The following IFT80 variants were observed in gnomAD, a reference collection of about 807,000 sequenced individuals.
IFT80 encodes intraflagellar transport 80.
Under a neutral mutation model 107.9 loss-of-function variants are expected in IFT80, and 79 were observed. The observed-to-expected ratio is 0.73, with a 90% CI of 0.61 to 0.88. The LOEUF (loss-of-function observed/expected upper bound fraction) is 0.88. Among genes scored for constraint, IFT80 ranks in the 40% least tolerant of loss-of-function variants. The probability of loss-of-function intolerance (pLI) is 0.00; values close to 1 mark genes in which losing one functional copy is unlikely to be tolerated. For synonymous variants in IFT80, 299 were observed against 300.9 expected (o/e 0.99, Z 0.07); for missense variants, 797 against 914.2 (o/e 0.87, Z 1.65).
chr3:160,291,709 C>G (rs1032855334), intron 12 of IFT80, among the ~76,000 whole-genome samples: 8 of 152,164 alleles, frequency 5.3e-5, no homozygotes, highest in African/African-American at 1.9e-4. Flanking sequence ...GCAAGAAGGA[C>G]AGTGGAAAAC....
intron 12 of IFT80, among the ~76,000 whole-genome samples, chr3:160,294,823 C>T (rs1195808134): frequency 2.0e-5 from 3 of 152,136 alleles, no homozygotes; most frequent in African/African-American, 7.2e-5. Context: ...CTATCCTCTC[C>T]GTATCTCCAG....
chr3:160,294,751 G>A (rs966497755), intron 12 of IFT80, among the ~76,000 whole-genome samples: 2 of 152,150 alleles, frequency 1.3e-5, no homozygotes, highest in Admixed American at 6.5e-5. Flanking sequence ...CACTTGCTTT[G>A]GGAGCTAAGC....
intron 8 of IFT80, among the ~76,000 whole-genome samples, chr3:160,329,966 T>C (rs138196843): frequency 9.2e-5 from 14 of 152,282 alleles, no homozygotes; most frequent in African/African-American, 3.4e-4. Context: ...CACTTTAAGA[T>C]GTTACTCAAA....
At chr3:160,388,775 T>C (rs1326691769) in intron 1 of IFT80, among the ~76,000 whole-genome samples, 1 of 152,072 alleles carries the variant, frequency 6.6e-6, no homozygotes, top group African/African-American at 2.4e-5. Flanking sequence ...CAAATAAATA[T>C]ACAAGGCCCT....
chr3:160,344,379 C>T (rs968535022), intron 8 of IFT80, among the ~76,000 whole-genome samples: 4 of 152,098 alleles, frequency 2.6e-5, no homozygotes, highest in African/African-American at 9.7e-5. Context: ...GCTGGGAAGA[C>T]AGGATATCTA....
At chr3:160,392,132 G>T (rs886373676) in intron 1 of IFT80, among the ~76,000 whole-genome samples, 3 of 152,310 alleles carry the variant, frequency 2.0e-5, no homozygotes, top group Admixed American at 6.5e-5. Flanking sequence ...CTTGATAAGG[G>T]TGTTGGCATT....
intron 8 of IFT80, among the ~76,000 whole-genome samples, chr3:160,330,614 CCA>C (rs903577503): frequency 1.3e-5 from 2 of 152,088 alleles, no homozygotes; most frequent in African/African-American, 4.8e-5. Context: ...GGGCCCGACC[CCA>C]GAGTGTCTGA....
chr3:160,365,113 T>C (rs558574109), intron 6 of IFT80, among the ~76,000 whole-genome samples: 6 of 152,196 alleles, frequency 3.9e-5, no homozygotes, highest in South Asian at 2.1e-4. Context: ...ATTTTCAGCG[T>C]AGGTAATTGG....
At chr3:160,266,192 G>A (rs1305033428) in intron 19 of IFT80, among the ~76,000 whole-genome samples, 3 of 151,332 alleles carry the variant, frequency 2.0e-5, no homozygotes, top group Admixed American at 6.6e-5. Flanking sequence ...ACCTAAGAAA[G>A]CCATGTTGTT....
chr3:160,355,829 A>G (rs960515968), intron 8 of IFT80, among the ~76,000 whole-genome samples, 184 bp downstream of exon 8: 3 of 152,248 alleles, frequency 2.0e-5, no homozygotes, highest in Non-Finnish European at 4.4e-5. Flanking sequence ...CCATGCTTCA[A>G]ACTTAAACAG....
At chr3:160,292,888 G>A (rs941832247) in intron 12 of IFT80, among the ~76,000 whole-genome samples, 1 of 152,204 alleles carries the variant, frequency 6.6e-6, no homozygotes, top group African/African-American at 2.4e-5. Flanking sequence ...CAGAAGCAGA[G>A]ATGGTTCCCA....
chr3:160,369,665 CTA>C (rs1722098684), intron 5 of IFT80, among the ~76,000 whole-genome samples: 1 of 151,840 alleles, frequency 6.6e-6, no homozygotes, highest in African/African-American at 2.4e-5. Context: ...ATTCCCAGTG[CTA>C]TGTTTCGCTT....
intron 3 of IFT80, among the ~76,000 whole-genome samples, chr3:160,378,820 G>C (rs577604705): frequency 4.1e-4 from 63 of 152,072 alleles, no homozygotes; most frequent in South Asian, 1.0e-3. Context: ...CATGGGACAG[G>C]AAGCTCTTCC....
chr3:160,321,028 C>T (rs1312355059), intron 8 of IFT80, among the ~76,000 whole-genome samples: 2 of 151,840 alleles, frequency 1.3e-5, no homozygotes, highest in Non-Finnish European at 2.9e-5. Flanking sequence ...CTAACTGTTG[C>T]TTTAATGGCT....
chr3:160,285,462 A>G (rs922089211), intron 13 of IFT80, among the ~76,000 whole-genome samples: 3 of 152,206 alleles, frequency 2.0e-5, no homozygotes, highest in African/African-American at 7.2e-5. Flanking sequence ...AGAAAACTGC[A>G]AGATACTTAG....
At chr3:160,289,062 T>C (rs1254287697) in intron 12 of IFT80, among the ~76,000 whole-genome samples, 1 of 152,218 alleles carries the variant, frequency 6.6e-6, no homozygotes, top group East Asian at 1.9e-4. Flanking sequence ...TTAACTTAAA[T>C]GCCCATCAAT....
rs1039802083 is a variant in IFT80 at position 160,357,338 on chromosome 3, T to C, written c.639+151A>G. 5.4e-6 allele frequency: 3 copies of C among 556,328 alleles called. No individual in the cohort carries two copies. In the African/African-American group the frequency reaches 5.7e-5, roughly 11 times the overall value. 34.5% of individuals were successfully genotyped at this position (556,328 alleles called of 1,614,324 possible). On this transcript the variant is annotated intron_variant, in intron 7 of 19. Coordinates refer to ENST00000326448, the MANE Select transcript of IFT80 (RefSeq NM_020800.3). Reference sequence around the variant, plus strand: ...AGATAGTTTTTATGAAGTCCATGCTTTAAAATACCACTTAACATTATAAAA... The same window carrying C: ...AGATAGTTTTTATGAAGTCCATGCTCTAAAATACCACTTAACATTATAAAA...
At chr3:160,343,860 C>T in intron 8 of IFT80, 1 of 265,822 alleles carries the variant, frequency 3.8e-6, no homozygotes, top group Non-Finnish European at 7.6e-6. Flanking sequence ...TTTTCTTTAA[C>T]AACTAGGGCA....
chr3:160,297,041 T>A (rs1716034375), intron 12 of IFT80, among the ~76,000 whole-genome samples: 1 of 152,172 alleles, frequency 6.6e-6, no homozygotes, highest in Non-Finnish European at 1.5e-5. Context: ...ACTATTTAAA[T>A]AATGATAATT....
Sources: gnomAD v4.1 joint callset for allele counts (sites outside exome capture counted in the v4.1 genomes callset) on GRCh38, gnomAD v4.1.1 for gene constraint, MANE v1.5 for transcripts, NCBI Gene and HGNC (gene_info 2026-07-23, HGNC 2026-07-21) for gene names.